The following UBXN2B variants were observed in gnomAD, a reference collection of about 807,000 sequenced individuals.
UBXN2B encodes the protein UBX domain protein 2B.
A neutral mutation model predicts 37.5 loss-of-function variants in UBXN2B; 19 were observed. The ratio of observed to expected loss-of-function variants is 0.51; its 90% CI spans 0.35 to 0.74. The LOEUF is 0.74. Among genes scored for constraint, UBXN2B ranks in the 30% least tolerant of loss-of-function variants. The pLI, the probability that UBXN2B is intolerant of heterozygous loss-of-function variation, is 0.01. For synonymous variants in UBXN2B, 145 were observed against 143.8 expected (o/e 1.01, Z -0.06); for missense variants, 370 against 393.2 (o/e 0.94, Z 0.50).
intron 5 of UBXN2B, among the ~76,000 whole-genome samples, chr8:58,435,828 C>G (rs932895525): frequency 6.6e-6 from 1 of 152,084 alleles, no homozygotes; most frequent in Non-Finnish European, 1.5e-5. Context: ...AGAAAAGACT[C>G]TAAAGAAAAT....
intron 7 of UBXN2B, among the ~76,000 whole-genome samples, chr8:58,447,084 C>T (rs527815789): frequency 1.3e-5 from 2 of 152,098 alleles, no homozygotes; most frequent in Non-Finnish European, 1.5e-5. Context: ...CAGGCGTAAG[C>T]CACCGTGCCC....
chr8:58,422,947 T>G (rs1349392033), intron 2 of UBXN2B, among the ~76,000 whole-genome samples: 1 of 152,224 alleles, frequency 6.6e-6, no homozygotes, highest in Non-Finnish European at 1.5e-5. Context: ...GCAGTGGTTG[T>G]GACCGTCTGT....
chr8:58,449,294 A>G lies in UBXN2B; in HGVS notation c.*1743A>G, dbSNP rs1393474332. The G allele has an allele frequency of 6.6e-6, 1 of 152,086 alleles. No homozygotes were observed. The highest frequency in any genetic ancestry group is 1.5e-5 in the Non-Finnish European group (1 of 68,012). The allele number at this position is 152,086 out of a possible 1,614,324, so 9.4% of individuals were successfully genotyped here. A position where few individuals can be genotyped will look rare whatever the true frequency, so the allele number is the denominator to read the frequency against. The stretch of plus-strand genomic sequence containing the variant: ...ACATGGAACATTATTCTTGCCTACT[A>G]CAGTTCCCACCCACCCCCCGCTCCA... On this transcript the variant is annotated 3_prime_UTR_variant, in exon 8 of 8. Transcript: ENST00000399598.
At chr8:58,415,351 T>C (rs1219622966) in intron 1 of UBXN2B, among the ~76,000 whole-genome samples, 2 of 152,094 alleles carry the variant, frequency 1.3e-5, no homozygotes, top group African/African-American at 4.8e-5. Flanking sequence ...AAAATAATAC[T>C]ACTTTAAAGA....
intron 1 of UBXN2B, among the ~76,000 whole-genome samples, chr8:58,416,176 A>C (rs1807777539): frequency 1.3e-5 from 2 of 152,060 alleles, no homozygotes; most frequent in South Asian, 4.1e-4. Context: ...GTCAGAAAAA[A>C]TTCTATACAA....
chr8:58,415,015 A>G (rs557007164), intron 1 of UBXN2B, among the ~76,000 whole-genome samples: 9 of 152,238 alleles, frequency 5.9e-5, no homozygotes, highest in African/African-American at 1.4e-4. Flanking sequence ...TTCATTTTCT[A>G]TTATGTTCTT....
In UBXN2B at chr8:58,433,228, A is replaced by G. The variant is rs1244665024; in HGVS notation, c.408A>G (p.Glu136=). Residue 136 remains glutamate (E), a synonymous_variant, in exon 4 of 8, where the codon GAA becomes GAG. Transcript: ENST00000399598. ...FCKRSEYIYG[E]NQLQDVQILL... is the part of the protein sequence containing the mutation. The stretch of plus-strand genomic sequence containing the variant: ...AGCGGTCTGAATATATCTATGGAGA[A>G]AATCAGCTGCAAGATGTAGGTACAA... 6.2e-7 allele frequency: 1 copy of G among 1,610,988 alleles called. No homozygotes were observed. The highest frequency in any genetic ancestry group is 2.2e-5 in the East Asian group (1 of 44,698).
intron 6 of UBXN2B, among the ~76,000 whole-genome samples, chr8:58,441,359 ATATATATATGTATGTG>A (rs1808543076): frequency 6.8e-6 from 1 of 146,218 alleles, no homozygotes; most frequent in Non-Finnish European, 1.5e-5. Context: ...ATATATATAT[ATATATATATGTATGTG>A]TATATATATG....
intron 5 of UBXN2B, among the ~76,000 whole-genome samples, chr8:58,437,012 A>T (rs1808428935): frequency 1.3e-5 from 2 of 152,232 alleles, no homozygotes; most frequent in Admixed American, 1.3e-4. Context: ...CATCTTTGGA[A>T]CTGGGTAATA....
At chr8:58,422,598 G>C (rs1169659080) in intron 2 of UBXN2B, among the ~76,000 whole-genome samples, 1 of 152,244 alleles carries the variant, frequency 6.6e-6, no homozygotes, top group Non-Finnish European at 1.5e-5. Context: ...GTTCAACCTG[G>C]CTGGAGGCCT....
chr8:58,451,384 A>G lies in UBXN2B; in HGVS notation c.*3833A>G, dbSNP rs1035965077. 4.6e-5 allele frequency: 7 copies of G among 152,212 alleles called. No homozygotes were observed. Among genetic ancestry groups the G allele is most frequent in the African/African-American group, 1.2e-4 (5 of 41,454 alleles). 9.4% of individuals were successfully genotyped at this position (152,212 alleles called of 1,614,324 possible). A position where few individuals can be genotyped will look rare whatever the true frequency, so the allele number is the denominator to read the frequency against. ...TCATCTTAAATTTATAATCATCTCAAAAAAGATGTCACAATGAACAGACAA... is the reference window on the plus strand; with the variant it reads ...TCATCTTAAATTTATAATCATCTCAGAAAAGATGTCACAATGAACAGACAA... On this transcript the variant is annotated 3_prime_UTR_variant, in exon 8 of 8. Coordinates refer to ENST00000399598, the MANE Select transcript of UBXN2B (RefSeq NM_001077619.2).
chr8:58,433,166 A>G lies in UBXN2B; in HGVS notation c.346A>G (p.Thr116Ala). The G allele has an allele frequency of 6.2e-7, 1 of 1,610,824 alleles. No individual in the cohort carries two copies. Among genetic ancestry groups the G allele is most frequent in the Non-Finnish European group, 8.5e-7 (1 of 1,178,066 alleles). ...CACTTGCTATGTATTTTAGTCATTT[A>G]CAGGTGGAGGATACAGATTGGGTAG... Reference protein sequence around the residue: ...ASGDDKSKSFTGGGYRLGSSF... With the variant: ...ASGDDKSKSFAGGGYRLGSSF... The change falls in exon 4 of 8, where the codon ACA (threonine) becomes GCA (alanine). Residue 116 changes from threonine (T) to alanine (A), a missense_variant. Physicochemically the swap from Thr to Ala is moderately conservative, Grantham distance 58. Coordinates refer to ENST00000399598, the MANE Select transcript of UBXN2B (RefSeq NM_001077619.2).
At position 58,417,477 on chromosome 8, in the gene UBXN2B, C is replaced by T. The variant is rs540757283; in HGVS notation, c.188+524C>T. On this transcript the variant is annotated intron_variant, in intron 2 of 7. Transcript: ENST00000399598. ...CTTCTTCCTTTGGGTGATGATTCCT[C>T]TAATGTGTGACCTCCTAAATAGTAT... Among the ~76,000 whole-genome samples, 6 of 152,286 alleles carry T rather than the reference C, an allele frequency of 3.9e-5. No homozygotes were observed. The East Asian group carries it at 9.6e-4, about 24-fold the overall frequency.
Position 58,448,092 on chromosome 8 carries a change from CAG to C in UBXN2B, c.*543_*544del, listed in dbSNP as rs1426970301. 6.6e-6 allele frequency: 1 copy of C among 151,858 alleles called. No homozygotes were observed. The highest frequency in any genetic ancestry group is 1.5e-5 in the Non-Finnish European group (1 of 67,978). The allele number at this position is 151,858 out of a possible 1,614,324, so 9.4% of individuals were successfully genotyped here. ...ACTGATTTAGATATATTACTAGTAT[CAG>C]AAACTACAGTTTTGCCTTGTATTTT... On this transcript the variant is annotated 3_prime_UTR_variant, in exon 8 of 8. Transcript: ENST00000399598.
Position 58,439,766 on chromosome 8 carries a change from G to T in UBXN2B, c.667G>T (p.Gly223Ter). The T allele has an allele frequency of 6.3e-7, 1 of 1,590,274 alleles. No individual in the cohort carries two copies. The highest frequency in any genetic ancestry group is 1.4e-5 in the African/African-American group (1 of 73,468). Residue 223 changes from glycine to a stop codon, truncating the protein, a stop_gained, in exon 6 of 8, where the codon GGA (glycine) becomes TGA (stop). Coordinates refer to ENST00000399598, the MANE Select transcript of UBXN2B (RefSeq NM_001077619.2). LOFTEE classifies it high-confidence loss of function. ...TTTTAGTGGAGAAGGGCAAAAACTT[G>T]GAAGGTAAAAATCCTAAAATGAGAA... is the stretch of plus-strand genomic sequence containing the variant. ...KAFSGEGQKL[G>*]SLTPEIVSTP... is the part of the protein sequence containing the mutation.
intron 4 of UBXN2B, among the ~76,000 whole-genome samples, chr8:58,433,611 TAAA>T (rs34836809): frequency 2.5e-5 from 3 of 118,026 alleles, no homozygotes; most frequent in Admixed American, 8.7e-5. Flanking sequence ...CCTATCTCTT[TAAA>T]AAAAAAAAAA....
At position 58,430,563 on chromosome 8, in the gene UBXN2B, G is replaced by C; in HGVS notation, c.233G>C (p.Arg78Pro). The change falls in exon 3 of 8, where the codon CGA becomes CCA. Residue 78 changes from arginine (R) to proline (P), a missense_variant. Physicochemically the swap from Arg to Pro is moderately radical, Grantham distance 103. Transcript: ENST00000399598. ...GAATACAGTGGATTAAATATAGTTC[G>C]ACCTTCAACTGGGAAAATTGTGAAT... ...EHEYSGLNIV[R>P]PSTGKIVNEL... 6.2e-7 allele frequency: 1 copy of C among 1,604,454 alleles called. No individual in the cohort carries two copies. Among genetic ancestry groups the C allele is most frequent in the South Asian group, 1.1e-5 (1 of 89,682 alleles).
intron 4 of UBXN2B, 104 bp downstream of exon 4, chr8:58,433,347 CT>C (rs1808331161): frequency 1.1e-6 from 1 of 906,770 alleles, no homozygotes; most frequent in Non-Finnish European, 1.6e-6. Flanking sequence ...ATTTTTGTTA[CT>C]TTTTAAAACA....
intron 1 of UBXN2B, 51 bp from the exon 2 acceptor site, chr8:58,416,799 G>A (rs750856668): frequency 1.3e-6 from 2 of 1,511,814 alleles, no homozygotes; most frequent in Admixed American, 1.8e-5. Flanking sequence ...TAGTTGTATG[G>A]AAGAGGTTAT....
Sources: allele counts gnomAD v4.1 joint callset (sites outside exome capture counted in the v4.1 genomes callset), GRCh38; gene constraint gnomAD v4.1.1; transcripts MANE v1.5; gene names NCBI Gene and HGNC (gene_info 2026-07-23, HGNC 2026-07-21).